MRPL11: variants seen among roughly 807,000 people sequenced by gnomAD.
The protein encoded by MRPL11 is large ribosomal subunit protein uL11m.
MRPL11 carries 21 observed loss-of-function variants against 19.1 expected under a neutral mutation model. That is an observed-to-expected ratio of 1.10 (90% CI 0.78 to 1.58). The LOEUF is 1.58. MRPL11 is among the 40% of genes most tolerant of loss of function. The pLI is 0.00. For synonymous variants in MRPL11, 108 were observed against 99.7 expected (o/e 1.08, Z -0.49); for missense variants, 242 against 243.9 (o/e 0.99, Z 0.05).
rs747590405 is a variant in MRPL11, at chr11:66,436,070, G to C, written c.516C>G (p.Ala172=). 13 of 1,613,926 alleles carry C rather than the reference G, an allele frequency of 8.1e-6. No individual in the cohort carries two copies. The highest frequency in any genetic ancestry group is 1.1e-5 in the Non-Finnish European group (13 of 1,179,986). The part of the protein sequence containing the change: ...EELAAFQKER[A]IFLAAQKEAD... ...CCTCCTTCTGAGCAGCCAGGAAGAT[G>C]GCTCGTTCCTTCTGGAAAGCTGCAA... The change falls in exon 5 of 5, where the codon GCC becomes GCG. Residue 172 remains alanine (A), a synonymous_variant. Transcript: ENST00000310999.
rs889171677 is a variant in MRPL11 at position 66,438,277 on chromosome 11, G to A, written c.124-18C>T. ...ACGCCTCTCTGTGAGGGAAGCAGAG[G>A]GGGTTAGTGGTGAGAGGAGGGGACG... is the stretch of plus-strand genomic sequence containing the variant. On this transcript the variant is annotated intron_variant, in intron 1 of 4. Coordinates refer to ENST00000310999, the MANE Select transcript of MRPL11 (RefSeq NM_016050.5). 1 of 1,589,184 alleles carries A rather than the reference G, an allele frequency of 6.3e-7. No homozygotes were observed. The highest frequency in any genetic ancestry group is 8.6e-7 in the Non-Finnish European group (1 of 1,157,258).
At chr11:66,438,603 C>T in intron 1 of MRPL11, 29 bp downstream of exon 1, 1 of 1,488,824 alleles carries the variant, frequency 6.7e-7, no homozygotes, top group East Asian at 2.4e-5. Context: ...CTAGACAACC[C>T]CCACGTCGGG....
chr11:66,438,105 C>T, intron 2 of MRPL11, 59 bp downstream of exon 2: 1 of 1,286,460 alleles, frequency 7.8e-7, no homozygotes. Flanking sequence ...GATGACCAGT[C>T]CCAGGGCCGA....
Position 66,438,706 on chromosome 11 carries a change from C to G in MRPL11, c.49G>C (p.Gly17Arg). ...CGCACGATCGCCCGGATCACACCGCCGACCTCGGGCTTCCTGAGGCCCCGG... is the reference window on the plus strand; with the variant it reads ...CGCACGATCGCCCGGATCACACCGCGGACCTCGGGCTTCCTGAGGCCCCGG... ...AARGLRKPEVGGVIRAIVRAG... is the reference protein window; with the variant it reads ...AARGLRKPEVRGVIRAIVRAG... Residue 17 changes from glycine to arginine, a missense_variant, in exon 1 of 5, where the codon GGC becomes CGC. Coordinates refer to ENST00000310999, the MANE Select transcript of MRPL11 (RefSeq NM_016050.5). The G allele has an allele frequency of 6.3e-7, 1 of 1,583,988 alleles. No homozygotes were observed. Among genetic ancestry groups the G allele is most frequent in the Non-Finnish European group, 8.6e-7 (1 of 1,163,574 alleles).
At position 66,437,147 on chromosome 11, in the gene MRPL11, T is replaced by C. The variant is rs1366033606; in HGVS notation, c.430A>G (p.Ile144Val). 3.1e-6 allele frequency: 5 copies of C among 1,614,092 alleles called. No homozygotes were observed. The African/African-American group carries it at 4.0e-5, about 13-fold the overall frequency. Reference sequence around the variant, plus strand: ...CCCAGAGAACGGGCAGACCCGATGATGGAGCGGACAACAGACGACAGGGGT... The same window carrying C: ...CCCAGAGAACGGGCAGACCCGATGACGGAGCGGACAACAGACGACAGGGGT... Reference protein sequence around the residue: ...DVPLSSVVRSIIGSARSLGIR... With the variant: ...DVPLSSVVRSVIGSARSLGIR... Residue 144 changes from isoleucine to valine, a missense_variant, in exon 4 of 5, where the codon ATC becomes GTC. Transcript: ENST00000310999.
chr11:66,438,397 G>C (rs958659133), intron 1 of MRPL11, 138 bp from the exon 2 acceptor site: 21 of 885,872 alleles, frequency 2.4e-5, no homozygotes, highest in Non-Finnish European at 3.4e-5. Context: ...CCCTCCGTGA[G>C]CCAGAAGATC....
At position 66,436,661 on chromosome 11, in the gene MRPL11, C is replaced by T. The variant is rs538334202; in HGVS notation, c.473+443G>A. 3.9e-5 allele frequency: 25 copies of T among 642,576 alleles called. No homozygotes were observed. In the South Asian group the frequency reaches 4.6e-4, roughly 12 times the overall value. The allele number at this position is 642,576 out of a possible 1,614,324, so 39.8% of individuals were successfully genotyped here. ...TCCCGGCGGTTGTCTAGGCCAGACACCCTCCCACCCAACATCTTACTTCAA... is the reference window on the plus strand; with the variant it reads ...TCCCGGCGGTTGTCTAGGCCAGACATCCTCCCACCCAACATCTTACTTCAA... On this transcript the variant is annotated intron_variant, in intron 4 of 4. Transcript: ENST00000310999.
In MRPL11 at chr11:66,438,624, G is replaced by A. The variant is rs1857037376; in HGVS notation, c.123+8C>T. The A allele has an allele frequency of 1.3e-6, 2 of 1,502,400 alleles. No individual in the cohort carries two copies. The highest frequency in any genetic ancestry group is 1.8e-6 in the Non-Finnish European group (2 of 1,125,388). The allele number at this position is 1,502,400 out of a possible 1,614,324, so 93.1% of individuals were successfully genotyped here. A position where few individuals can be genotyped will look rare whatever the true frequency, so the allele number is the denominator to read the frequency against. On this transcript the variant is annotated splice_region_variant and intron_variant, in intron 1 of 4. Coordinates refer to ENST00000310999, the MANE Select transcript of MRPL11 (RefSeq NM_016050.5). ...AACCCCCACGTCGGGTTCCCGCCACGGCCGCACCTGACCCAGCACTGGGCC... is the reference window on the plus strand; with the variant it reads ...AACCCCCACGTCGGGTTCCCGCCACAGCCGCACCTGACCCAGCACTGGGCC...
chr11:66,437,181 C>G lies in MRPL11; in HGVS notation c.396G>C (p.Leu132=), dbSNP rs1278436850. ...CAACAGACGACAGGGGTACATCCTG[C>G]AGGGCAAATGCCTCATCCTGAGCTT... ...RIKAQDEAFA[L]QDVPLSSVVR... The change falls in exon 4 of 5, where the codon CTG becomes CTC. Residue 132 remains leucine, a synonymous_variant. Coordinates refer to ENST00000310999, the MANE Select transcript of MRPL11 (RefSeq NM_016050.5). 1 of 1,614,246 alleles carries G rather than the reference C, an allele frequency of 6.2e-7. No individual in the cohort carries two copies. Among genetic ancestry groups the G allele is most frequent in the Admixed American group, 1.7e-5 (1 of 60,026 alleles).
chr11:66,438,506 C>T, intron 1 of MRPL11, 126 bp downstream of exon 1: 1 of 1,287,780 alleles, frequency 7.8e-7, no homozygotes, highest in Non-Finnish European at 1.1e-6. Context: ...GGACATAAAG[C>T]GTGTGAGAAG....
rs560286061 is a variant in MRPL11 at position 66,435,409 on chromosome 11, T to C, written c.*598A>G. ...TAGTAGAAGGGCCTGAAGTAGCCCC[T>C]GGGATCTGGGTACTCCATGTAGTAA... On this transcript the variant is annotated 3_prime_UTR_variant, in exon 5 of 5. Transcript: ENST00000310999. The C allele has an allele frequency of 6.6e-6, 1 of 152,448 alleles. No homozygotes were observed. The highest frequency in any genetic ancestry group is 2.4e-5 in the African/African-American group (1 of 41,580). The allele number at this position is 152,448 out of a possible 1,614,324, so 9.4% of individuals were successfully genotyped here. A position where few individuals can be genotyped will look rare whatever the true frequency, so the allele number is the denominator to read the frequency against.
chr11:66,435,903 A>G lies in MRPL11; in HGVS notation c.*104T>C. The G allele has an allele frequency of 1.3e-6, 1 of 798,832 alleles. No homozygotes were observed. Among genetic ancestry groups the G allele is most frequent in the South Asian group, 1.5e-5 (1 of 66,396 alleles). 49.5% of individuals were successfully genotyped at this position (798,832 alleles called of 1,614,324 possible). On this transcript the variant is annotated 3_prime_UTR_variant, in exon 5 of 5. Coordinates refer to ENST00000310999, the MANE Select transcript of MRPL11 (RefSeq NM_016050.5). ...CTAGATGTACAAAAATATATCATTCAAAGTCATGAAAACCATCATCATATT... is the reference window on the plus strand; with the variant it reads ...CTAGATGTACAAAAATATATCATTCGAAGTCATGAAAACCATCATCATATT...
At chr11:66,436,662 C>T (rs192171741) in intron 4 of MRPL11, 241 of 643,076 alleles carry the variant, frequency 3.7e-4, no homozygotes, top group Non-Finnish European at 4.8e-4. Context: ...GGCCAGACAC[C>T]CTCCCACCCA....
In MRPL11 at chr11:66,438,252, AC is replaced by A; in HGVS notation, c.130del (p.Val44PhefsTer28). ...CTCCTTGCAAAACTGGTTGATGGAA[AC>A]GCCTCTCTGTGAGGGAAGCAGAGGG... is the stretch of plus-strand genomic sequence containing the variant. ...PLGPVLGQRG[V>X]SINQFCKEFN... On this transcript the variant is annotated frameshift_variant, in exon 2 of 5. Coordinates refer to ENST00000310999, the MANE Select transcript of MRPL11 (RefSeq NM_016050.5). LOFTEE classifies it high-confidence loss of function. 6.2e-7 allele frequency: 1 copy of A among 1,613,406 alleles called. No individual in the cohort carries two copies.
At position 66,436,075 on chromosome 11, in the gene MRPL11, G is replaced by A. The variant is rs747575624; in HGVS notation, c.511C>T (p.Arg171Ter). The A allele has an allele frequency of 4.0e-5, 65 of 1,613,872 alleles. No homozygotes were observed. Among genetic ancestry groups the A allele is most frequent in the African/African-American group, 8.0e-5 (6 of 74,910 alleles). The change falls in exon 5 of 5, where the codon CGA becomes TGA. Residue 171 changes from arginine (R) to a stop codon, truncating the protein, a stop_gained. Transcript: ENST00000310999. LOFTEE classifies it high-confidence loss of function. ...SEELAAFQKE[R>*]AIFLAAQKEA... is the part of the protein sequence containing the mutation. ...TTCTGAGCAGCCAGGAAGATGGCTCGTTCCTTCTGGAAAGCTGCAAGCTCT... is the reference window on the plus strand; with the variant it reads ...TTCTGAGCAGCCAGGAAGATGGCTCATTCCTTCTGGAAAGCTGCAAGCTCT...
intron 2 of MRPL11, 95 bp from the exon 3 acceptor site, chr11:66,437,538 T>C (rs182310981): frequency 4.6e-6 from 5 of 1,087,818 alleles, no homozygotes; most frequent in Admixed American, 4.2e-5. Flanking sequence ...CATCTCACTT[T>C]CCAATGGCAT....
Position 66,437,089 on chromosome 11 carries a change from T to C in MRPL11, c.473+15A>G, listed in dbSNP as rs755338779. 2 of 1,593,438 alleles carry C rather than the reference T, an allele frequency of 1.3e-6. No individual in the cohort carries two copies. Among genetic ancestry groups the C allele is most frequent in the South Asian group, 2.2e-5 (2 of 90,608 alleles). On this transcript the variant is annotated intron_variant, in intron 4 of 4. Transcript: ENST00000310999. ...CTGGGCCCTCTCGTCACACTGCACA[T>C]GCCAGGATACTTACTCCTTCACCAC...
intron 4 of MRPL11, chr11:66,436,739 C>T (rs984731811): frequency 1.5e-4 from 168 of 1,084,504 alleles, no homozygotes; most frequent in Admixed American, 3.9e-4. Context: ...CCCTGTTTGC[C>T]TCAGGAGCAA....
In MRPL11 at chr11:66,435,174, A is replaced by T. The variant is rs1856940992; in HGVS notation, c.*833T>A. 6.6e-6 allele frequency: 1 copy of T among 152,222 alleles called. No individual in the cohort carries two copies. Among genetic ancestry groups the T allele is most frequent in the African/African-American group, 2.4e-5 (1 of 41,456 alleles). The allele number at this position is 152,222 out of a possible 1,614,324, so 9.4% of individuals were successfully genotyped here. A position where few individuals can be genotyped will look rare whatever the true frequency, so the allele number is the denominator to read the frequency against. On this transcript the variant is annotated 3_prime_UTR_variant, in exon 5 of 5. Coordinates refer to ENST00000310999, the MANE Select transcript of MRPL11 (RefSeq NM_016050.5). Reference sequence around the variant, plus strand: ...AAATGAAGTGTCTAGCACATAACAGATGGTCAGTAAATGCGAATCTCCTTT... The same window carrying T: ...AAATGAAGTGTCTAGCACATAACAGTTGGTCAGTAAATGCGAATCTCCTTT...
Sources: allele counts gnomAD v4.1 joint callset, GRCh38; gene constraint gnomAD v4.1.1; transcripts MANE v1.5; gene names NCBI Gene and HGNC (gene_info 2026-07-23, HGNC 2026-07-21).